Variants in GTF2F2 observed in about 807,000 individuals in gnomAD.
GTF2F2 encodes the protein general transcription factor IIF subunit 2.
GTF2F2 carries 23 observed loss-of-function variants against 42.2 expected under a neutral mutation model. The observed-to-expected ratio is 0.55, with a 90% CI of 0.39 to 0.77. The LOEUF (loss-of-function observed/expected upper bound fraction) is 0.77. Ranked by LOEUF, GTF2F2 falls within the 30% of genes least tolerant of loss-of-function variation. The pLI is 0.00. For synonymous variants in GTF2F2, 105 were observed against 100.8 expected (o/e 1.04, Z -0.25); for missense variants, 261 against 287.2 (o/e 0.91, Z 0.66).
intron 5 of GTF2F2, among the ~76,000 whole-genome samples, chr13:45,240,101 A>ATTTTTTTT (rs34744288): frequency 6.6e-5 from 6 of 91,094 alleles, no homozygotes; most frequent in African/African-American, 2.1e-4. Flanking sequence ...ATGTAGAGGG[A>ATTTTTTTT]TTTTTTTTTT....
At chr13:45,190,347 G>A (rs1872571322) in intron 4 of GTF2F2, among the ~76,000 whole-genome samples, 1 of 152,174 alleles carries the variant, frequency 6.6e-6, no homozygotes, top group South Asian at 2.1e-4. Context: ...GTTGTATCAA[G>A]TGAGGCAAAC....
At chr13:45,236,119 C>G (rs1216508483) in intron 5 of GTF2F2, among the ~76,000 whole-genome samples, 1 of 152,112 alleles carries the variant, frequency 6.6e-6, no homozygotes, top group Non-Finnish European at 1.5e-5. Context: ...TATGATGTGA[C>G]TTGAGAATAT....
intron 6 of GTF2F2, among the ~76,000 whole-genome samples, chr13:45,257,648 C>A (rs9590886): frequency 0.27 from 41,346 of 151,942 alleles, 6,494 homozygotes; most frequent in African/African-American, 0.41. Flanking sequence ...GTATGGTTTA[C>A]AAGAGGGCCC....
At chr13:45,163,492 C>T (rs1490378734) in intron 4 of GTF2F2, among the ~76,000 whole-genome samples, 1 of 151,600 alleles carries the variant, frequency 6.6e-6, no homozygotes, top group Non-Finnish European at 1.5e-5. Context: ...GCCGAGATAG[C>T]GCCACTGCAC....
intron 4 of GTF2F2, among the ~76,000 whole-genome samples, chr13:45,197,368 G>T (rs976998542): frequency 2.0e-5 from 3 of 151,502 alleles, no homozygotes; most frequent in South Asian, 2.1e-4. Flanking sequence ...ATTAGCTGGG[G>T]TGTGTTGGTG....
At chr13:45,215,292 T>C (rs1448303667) in intron 5 of GTF2F2, among the ~76,000 whole-genome samples, 2 of 152,198 alleles carry the variant, frequency 1.3e-5, no homozygotes, top group African/African-American at 2.4e-5. Flanking sequence ...TAATTTATCA[T>C]TGAAAACAGG....
chr13:45,193,991 TA>T (rs1289572016), intron 4 of GTF2F2: 2 of 1,614,012 alleles, frequency 1.2e-6, no homozygotes, highest in Admixed American at 1.7e-5. Context: ...AATTGGATGA[TA>T]TTTGACGATA....
At chr13:45,172,624 G>A (rs1000117619) in intron 4 of GTF2F2, among the ~76,000 whole-genome samples, 3 of 152,014 alleles carry the variant, frequency 2.0e-5, no homozygotes, top group African/African-American at 4.8e-5. Context: ...AGTTAATTTT[G>A]TATATGGTAT....
intron 6 of GTF2F2, 52 bp from the exon 7 acceptor site, chr13:45,267,181 A>G (rs2138264362): frequency 7.0e-7 from 1 of 1,423,904 alleles, no homozygotes; most frequent in East Asian, 2.3e-5. Flanking sequence ...CCTGTGTTTT[A>G]GAGTGAGCAT....
chr13:45,120,695 C>T lies in GTF2F2; in HGVS notation c.40C>T (p.Gln14Ter). ...GGAACTCGACTTGACCGGCGCCAAA[C>T]AGAACACAGGAGTGTGGCTAGTCAA... Reference protein sequence around the residue: ...RGELDLTGAKQNTGVWLVKVP... With the variant: ...RGELDLTGAK Residue 14 changes from glutamine (Q) to a stop codon, truncating the protein, a stop_gained, in exon 1 of 8, where the codon CAG becomes TAG. Transcript: ENST00000340473. LOFTEE classifies it high-confidence loss of function. 6.4e-7 allele frequency: 1 copy of T among 1,561,776 alleles called. No homozygotes were observed. Among genetic ancestry groups the T allele is most frequent in the Non-Finnish European group, 8.7e-7 (1 of 1,151,886 alleles).
At chr13:45,277,304 T>A (rs1877077915) in intron 7 of GTF2F2, among the ~76,000 whole-genome samples, 1 of 152,212 alleles carries the variant, frequency 6.6e-6, no homozygotes, top group Non-Finnish European at 1.5e-5. Flanking sequence ...TGCTGGCATC[T>A]GCTCAGCTTC....
intron 4 of GTF2F2, among the ~76,000 whole-genome samples, chr13:45,160,591 C>T (rs7326859): frequency 0.058 from 8,766 of 152,142 alleles, 820 homozygotes; most frequent in African/African-American, 0.19. Flanking sequence ...AATGTTGACA[C>T]GTTTCATTAT....
At chr13:45,187,869 G>A (rs1244930106) in intron 4 of GTF2F2, among the ~76,000 whole-genome samples, 1 of 152,184 alleles carries the variant, frequency 6.6e-6, no homozygotes, top group African/African-American at 2.4e-5. Flanking sequence ...AGATTGGCAT[G>A]TCTTTAAAAT....
chr13:45,207,415 C>A lies in GTF2F2; in HGVS notation c.305-9C>A, dbSNP rs372643018. The A allele has an allele frequency of 6.6e-6, 10 of 1,508,694 alleles. No homozygotes were observed. The highest frequency in any genetic ancestry group is 8.1e-6 in the Non-Finnish European group (9 of 1,104,974). 93.5% of individuals were successfully genotyped at this position (1,508,694 alleles called of 1,614,324 possible). A position where few individuals can be genotyped will look rare whatever the true frequency, so the allele number is the denominator to read the frequency against. On this transcript the variant is annotated splice_polypyrimidine_tract_variant and intron_variant, in intron 4 of 7. Coordinates refer to ENST00000340473, the MANE Select transcript of GTF2F2 (RefSeq NM_004128.3). ...ATTATCTCTGAATCCTTTTTTTTTT[C>A]CATTCAAGATAAGCTGTCATTGGAA... is the stretch of plus-strand genomic sequence containing the variant.
intron 4 of GTF2F2, among the ~76,000 whole-genome samples, chr13:45,178,555 A>G (rs1871994628): frequency 6.6e-6 from 1 of 151,832 alleles, no homozygotes; most frequent in South Asian, 2.1e-4. Flanking sequence ...TCTAGTTTCA[A>G]AGCTTCGTGT....
At chr13:45,243,760 A>C (rs553812301) in intron 5 of GTF2F2, among the ~76,000 whole-genome samples, 15 of 152,304 alleles carry the variant, frequency 9.8e-5, no homozygotes, top group Non-Finnish European at 2.2e-4. Flanking sequence ...TCCTGGGTTC[A>C]AACGATTCTT....
chr13:45,201,675 A>G (rs1204914560), intron 4 of GTF2F2, among the ~76,000 whole-genome samples: 1 of 152,200 alleles, frequency 6.6e-6, no homozygotes, highest in Non-Finnish European at 1.5e-5. Flanking sequence ...AATTACCATC[A>G]TCAAAGATGT....
At chr13:45,218,129 C>A (rs1383678013) in intron 5 of GTF2F2, among the ~76,000 whole-genome samples, 1 of 152,186 alleles carries the variant, frequency 6.6e-6, no homozygotes, top group African/African-American at 2.4e-5. Flanking sequence ...ATTAAGGAAT[C>A]GTTTTAGTTT....
intron 5 of GTF2F2, among the ~76,000 whole-genome samples, chr13:45,217,141 A>G (rs1873925600): frequency 6.6e-6 from 1 of 151,956 alleles, no homozygotes; most frequent in African/African-American, 2.4e-5. Flanking sequence ...TCTACTAAAA[A>G]TAGAAAAATT....
Sources: gnomAD v4.1 joint callset for allele counts (sites outside exome capture counted in the v4.1 genomes callset) on GRCh38, gnomAD v4.1.1 for gene constraint, MANE v1.5 for transcripts, NCBI Gene and HGNC (gene_info 2026-07-23, HGNC 2026-07-21) for gene names.